CEP63: variants seen among roughly 807,000 people sequenced by gnomAD.
CEP63 encodes the protein centrosomal protein of 63 kDa.
In CEP63, 84 loss-of-function variants were observed where a neutral mutation model predicts 89.1. The observed-to-expected ratio is 0.94, with a 90% CI of 0.79 to 1.13. The LOEUF is 1.13. CEP63 is among the 50% of genes most tolerant of loss of function. The pLI is 0.00. For missense variants in CEP63, 838 were observed against 813.3 expected (o/e 1.03, Z -0.37); for synonymous variants, 267 against 272.5 (o/e 0.98, Z 0.20).
chr3:134,651,050 G>T, the CEP63 span: 2 of 1,567,622 alleles, frequency 1.3e-6, no homozygotes, highest in South Asian at 1.2e-5. Flanking sequence ...TGCCCCACAC[G>T]GGAGAGGGCG....
At chr3:134,731,886 T>C in the CEP63 span, among the ~76,000 whole-genome samples, 1 of 152,072 alleles carries the variant, frequency 6.6e-6, no homozygotes, top group African/African-American at 2.4e-5. Flanking sequence ...TGACAATAAG[T>C]GCAAAATACT....
chr3:134,563,923 T>A lies in CEP63; in HGVS notation c.*2388T>A, dbSNP rs1382322991. 6.6e-6 allele frequency: 1 copy of A among 152,250 alleles called. No homozygotes were observed. Among genetic ancestry groups the A allele is most frequent in the Non-Finnish European group, 1.5e-5 (1 of 68,098 alleles). The allele number at this position is 152,250 out of a possible 1,614,324, so 9.4% of individuals were successfully genotyped here. On this transcript the variant is annotated 3_prime_UTR_variant, in exon 15 of 15. Coordinates refer to ENST00000675561, the MANE Select transcript of CEP63 (RefSeq NM_001353108.3). Reference sequence around the variant, plus strand: ...CAGTTTACCCTGAATATTCCCTTTCTCTTACCTCACCTTTGATTGGCGTTT... The same window carrying A: ...CAGTTTACCCTGAATATTCCCTTTCACTTACCTCACCTTTGATTGGCGTTT...
intron 3 of CEP63, among the ~76,000 whole-genome samples, chr3:134,529,191 AT>A (rs1949349451): frequency 6.6e-6 from 1 of 152,058 alleles, no homozygotes; most frequent in South Asian, 2.1e-4. Flanking sequence ...AATGGTAAGC[AT>A]TTTTCATGTT....
At chr3:134,515,230 A>C (rs894102321) in intron 3 of CEP63, among the ~76,000 whole-genome samples, 2 of 152,172 alleles carry the variant, frequency 1.3e-5, no homozygotes, top group Non-Finnish European at 2.9e-5. Context: ...TGGAATGATA[A>C]AAAAAGTAAT....
chr3:134,761,960 CA>C, the CEP63 span, among the ~76,000 whole-genome samples: 1 of 152,180 alleles, frequency 6.6e-6, no homozygotes, highest in Admixed American at 6.5e-5. Flanking sequence ...CCTGCAGGAG[CA>C]AAAACTTTCA....
chr3:134,594,271 A>C, the CEP63 span, among the ~76,000 whole-genome samples: 1 of 152,124 alleles, frequency 6.6e-6, no homozygotes, highest in South Asian at 2.1e-4. Flanking sequence ...CATTCAGCCC[A>C]GCTGTTCTTG....
At chr3:134,661,784 G>A in the CEP63 span, among the ~76,000 whole-genome samples, 1 of 149,308 alleles carries the variant, frequency 6.7e-6, no homozygotes, top group Non-Finnish European at 1.5e-5. Flanking sequence ...AGGGAAAGAA[G>A]GTGCTATGGG....
the CEP63 span, among the ~76,000 whole-genome samples, chr3:134,662,601 G>A: frequency 6.6e-6 from 1 of 152,182 alleles, no homozygotes. Context: ...ATGAGGAACT[G>A]GGCTCCGAGA....
At chr3:134,776,723 G>A in the CEP63 span, among the ~76,000 whole-genome samples, 3 of 152,178 alleles carry the variant, frequency 2.0e-5, no homozygotes, top group Admixed American at 2.0e-4. Context: ...GAGGCCTGGA[G>A]GTCCTGTCCA....
At chr3:134,673,524 AC>A in the CEP63 span, among the ~76,000 whole-genome samples, 1 of 151,680 alleles carries the variant, frequency 6.6e-6, no homozygotes, top group Non-Finnish European at 1.5e-5. Flanking sequence ...CAAAACATCA[AC>A]CCTGGCTCAG....
chr3:134,665,883 T>C, the CEP63 span, among the ~76,000 whole-genome samples: 1 of 149,988 alleles, frequency 6.7e-6, no homozygotes, highest in Non-Finnish European at 1.5e-5. Context: ...AGAATGAGGA[T>C]GAGAGAAGTC....
At chr3:134,572,458 C>T (rs931243873) in intron 11 of CEP63, among the ~76,000 whole-genome samples, 5 of 152,160 alleles carry the variant, frequency 3.3e-5, no homozygotes, top group East Asian at 1.9e-4. Flanking sequence ...TCTTTATGTC[C>T]GTTACTACCC....
intron 3 of CEP63, among the ~76,000 whole-genome samples, chr3:134,511,779 A>G (rs553654440): frequency 2.0e-5 from 3 of 152,278 alleles, no homozygotes; most frequent in Non-Finnish European, 4.4e-5. Context: ...CACTATCACA[A>G]GAACAGCAAG....
At chr3:134,581,351 C>T (rs1315454331) in intron 10 of CEP63, among the ~76,000 whole-genome samples, 3 of 152,156 alleles carry the variant, frequency 2.0e-5, no homozygotes, top group South Asian at 2.1e-4. Flanking sequence ...GAGGCCAAGG[C>T]GGTGGATCAC....
chr3:134,547,222 C>G lies in CEP63; in HGVS notation c.930-113C>G, dbSNP rs150580008. On this transcript the variant is annotated intron_variant, in intron 8 of 14. Transcript: ENST00000675561. ...TTCTTTTTATAAAGCAGGAGACAAA[C>G]TTGAAGAGTTCCAAAGAGGTTACCA... 454 of 925,364 alleles carry G rather than the reference C, an allele frequency of 4.9e-4. 4 individuals carry two copies. The African/African-American group carries it at 6.4e-3, about 13-fold the overall frequency. 57.3% of individuals were successfully genotyped at this position (925,364 alleles called of 1,614,324 possible).
chr3:134,735,129 T>G, the CEP63 span, among the ~76,000 whole-genome samples: 1 of 152,316 alleles, frequency 6.6e-6, no homozygotes, highest in Non-Finnish European at 1.5e-5. Flanking sequence ...ACAACAATGC[T>G]GTAACTAAGC....
chr3:134,498,079 GTAT>G (rs1257182021), intron 2 of CEP63, among the ~76,000 whole-genome samples: 5 of 152,064 alleles, frequency 3.3e-5, no homozygotes, highest in Non-Finnish European at 5.9e-5. Flanking sequence ...GTGAATTTTA[GTAT>G]TATTTTTTCT....
At chr3:134,530,276 T>C (rs1949604576) in intron 3 of CEP63, among the ~76,000 whole-genome samples, 1 of 152,252 alleles carries the variant, frequency 6.6e-6, no homozygotes, top group Non-Finnish European at 1.5e-5. Flanking sequence ...TGATTCCAGA[T>C]AACTTACCCG....
the CEP63 span, among the ~76,000 whole-genome samples, chr3:134,673,423 A>G: frequency 5.9e-5 from 9 of 152,026 alleles, no homozygotes; most frequent in Non-Finnish European, 1.0e-4. Flanking sequence ...CCTTCCCTGC[A>G]ATGCGTGGTG....
Sources: gnomAD v4.1 joint callset for allele counts (sites outside exome capture counted in the v4.1 genomes callset) on GRCh38, gnomAD v4.1.1 for gene constraint, MANE v1.5 for transcripts, NCBI Gene and HGNC (gene_info 2026-07-23, HGNC 2026-07-21) for gene names.